Variants in SDK1 observed in about 807,000 individuals in gnomAD.
The protein encoded by SDK1 is protein sidekick-1.
Under a neutral mutation model 245.5 loss-of-function variants are expected in SDK1, and 157 were observed. The observed-to-expected ratio is 0.64, with a 90% CI of 0.56 to 0.73. The LOEUF (loss-of-function observed/expected upper bound fraction) is 0.73. SDK1 is among the 30% of genes least tolerant of loss of function. The probability of loss-of-function intolerance (pLI) is 0.00; values close to 1 mark genes in which losing one functional copy is unlikely to be tolerated. For missense variants in SDK1, 3,583 were observed against 3,002.3 expected (o/e 1.19, Z -4.52); for synonymous variants, 1,647 against 1,278.5 (o/e 1.29, Z -6.15).
At chr7:3,541,591 T>TATA (rs1335798537) in intron 1 of SDK1, among the ~76,000 whole-genome samples, 34 of 152,362 alleles carry the variant, frequency 2.2e-4, no homozygotes, top group African/African-American at 7.7e-4. Context: ...ACTTTATATA[T>TATA]AACTATGGAT....
intron 30 of SDK1, 38 bp downstream of exon 30, chr7:4,149,501 G>T (rs766308324): frequency 1.5e-6 from 2 of 1,351,110 alleles, no homozygotes; most frequent in East Asian, 2.9e-5. Context: ...GGGGAACGGG[G>T]CCCTGGCCGC....
intron 1 of SDK1, among the ~76,000 whole-genome samples, chr7:3,366,389 C>G (rs943075135): frequency 1.3e-5 from 2 of 151,656 alleles, no homozygotes; most frequent in Non-Finnish European, 1.5e-5. Flanking sequence ...TTGGAGATTA[C>G]TCCATTATAG....
At chr7:3,476,365 G>C (rs1252205011) in intron 1 of SDK1, among the ~76,000 whole-genome samples, 1 of 152,034 alleles carries the variant, frequency 6.6e-6, no homozygotes, top group Non-Finnish European at 1.5e-5. Context: ...ACACTACCAG[G>C]GCTATGTCTT....
chr7:3,313,667 T>G (rs1779601171), intron 1 of SDK1, among the ~76,000 whole-genome samples: 1 of 152,186 alleles, frequency 6.6e-6, no homozygotes, highest in African/African-American at 2.4e-5. Flanking sequence ...GTGTAAGCAG[T>G]AGGGACGGGT....
chr7:4,167,288 G>A (rs1781556503), intron 32 of SDK1, among the ~76,000 whole-genome samples: 1 of 152,152 alleles, frequency 6.6e-6, no homozygotes, highest in Non-Finnish European at 1.5e-5. Flanking sequence ...TACTCAGGCT[G>A]AGGTAGGAGA....
chr7:4,148,414 C>T (rs767112282), intron 29 of SDK1, among the ~76,000 whole-genome samples: 4 of 152,230 alleles, frequency 2.6e-5, no homozygotes, highest in African/African-American at 7.2e-5. Flanking sequence ...CACTCCAGGC[C>T]GGGCCTGGCC....
At position 3,863,056 on chromosome 7, in the gene SDK1, C is replaced by T. The variant is rs554295312; in HGVS notation, c.847+41473C>T. On this transcript the variant is annotated intron_variant, in intron 5 of 44. Coordinates refer to ENST00000404826, the MANE Select transcript of SDK1 (RefSeq NM_152744.4). ...GTTCCTAAGAGGCCTGGAACCCATA[C>T]CAGTCTGCGGCCTGGAGGGTGGGGA... is the stretch of plus-strand genomic sequence containing the variant. 4.6e-5 allele frequency among the ~76,000 whole-genome samples: 7 copies of T among 152,294 alleles called. No individual in the cohort carries two copies. The East Asian group carries it at 1.4e-3, about 29-fold the overall frequency.
intron 1 of SDK1, among the ~76,000 whole-genome samples, chr7:3,332,079 A>G (rs992255455): frequency 6.6e-6 from 1 of 152,234 alleles, no homozygotes; most frequent in Non-Finnish European, 1.5e-5. Context: ...AGGTTAAAAA[A>G]TACTTTATTC....
At chr7:3,908,204 C>T (rs368663245) in intron 5 of SDK1, among the ~76,000 whole-genome samples, 14 of 152,172 alleles carry the variant, frequency 9.2e-5, no homozygotes, top group African/African-American at 3.1e-4. Flanking sequence ...GCGCATAACC[C>T]GGATGAGCGC....
At chr7:3,609,062 T>A (rs1013792508) in intron 1 of SDK1, among the ~76,000 whole-genome samples, 5 of 152,186 alleles carry the variant, frequency 3.3e-5, no homozygotes, top group African/African-American at 1.2e-4. Context: ...TCTTAAGAAT[T>A]TTTAGTTTTC....
In SDK1 at chr7:3,824,542, C is replaced by G. The variant is rs763058801; in HGVS notation, c.847+2959C>G. Among the ~76,000 whole-genome samples the G allele has an allele frequency of 7.2e-5, 11 of 152,218 alleles. No individual in the cohort carries two copies. In the Middle Eastern group the frequency reaches 0.014, roughly 188 times the overall value. ...CTTGTTTGCTGTTGTGGTAATAATCCGTTCCTTCCTTGAGGACAGCACCGT... is the reference window on the plus strand; with the variant it reads ...CTTGTTTGCTGTTGTGGTAATAATCGGTTCCTTCCTTGAGGACAGCACCGT... On this transcript the variant is annotated intron_variant, in intron 5 of 44. Transcript: ENST00000404826.
intron 35 of SDK1, among the ~76,000 whole-genome samples, chr7:4,185,426 C>G (rs1229163736): frequency 6.6e-6 from 1 of 152,154 alleles, no homozygotes; most frequent in Non-Finnish European, 1.5e-5. Context: ...CTGCCCAGAC[C>G]CCAAGCAGGC....
At chr7:3,389,484 A>G (rs1393218556) in intron 1 of SDK1, among the ~76,000 whole-genome samples, 1 of 152,180 alleles carries the variant, frequency 6.6e-6, no homozygotes, top group East Asian at 1.9e-4. Flanking sequence ...TAGCTCTACC[A>G]TCACCTTCAC....
At chr7:4,062,329 C>T (rs1181589172) in intron 19 of SDK1, among the ~76,000 whole-genome samples, 1 of 152,090 alleles carries the variant, frequency 6.6e-6, no homozygotes, top group African/African-American at 2.4e-5. Context: ...CTCTTACTAA[C>T]AACTATACAC....
intron 18 of SDK1, among the ~76,000 whole-genome samples, chr7:4,051,050 A>T (rs1293520058): frequency 7.1e-6 from 1 of 141,492 alleles, no homozygotes; most frequent in Non-Finnish European, 1.5e-5. Context: ...TATATAGTAT[A>T]CTATACATAT....
chr7:4,218,911 AT>A (rs1226423848), intron 38 of SDK1, among the ~76,000 whole-genome samples: 1 of 151,680 alleles, frequency 6.6e-6, no homozygotes, highest in Non-Finnish European at 1.5e-5. Context: ...TTAATGCATC[AT>A]TTTCAAACTT....
chr7:3,569,011 T>TC (rs534764625), intron 1 of SDK1, among the ~76,000 whole-genome samples: 124 of 151,910 alleles, frequency 8.2e-4, no homozygotes, highest in Admixed American at 2.5e-3. Flanking sequence ...CATATGTTTT[T>TC]TTTTTTTTTC....
intron 35 of SDK1, among the ~76,000 whole-genome samples, chr7:4,189,266 C>T (rs16871145): frequency 0.17 from 25,220 of 152,078 alleles, 3,278 homozygotes; most frequent in African/African-American, 0.37. Flanking sequence ...TTTATTGCGG[C>T]GGTTGCTGTG....
intron 26 of SDK1, among the ~76,000 whole-genome samples, chr7:4,128,017 CA>C (rs1221112836): frequency 6.6e-6 from 1 of 152,156 alleles, no homozygotes; most frequent in Non-Finnish European, 1.5e-5. Context: ...GAATCTGTCC[CA>C]GCTTCTCTGG....
Sources: allele counts gnomAD v4.1 joint callset (sites outside exome capture counted in the v4.1 genomes callset), GRCh38; gene constraint gnomAD v4.1.1; transcripts MANE v1.5; gene names NCBI Gene and HGNC (gene_info 2026-07-23, HGNC 2026-07-21).